Variants in CXXC5 observed in about 807,000 individuals in gnomAD.
CXXC5 encodes the protein CXXC finger protein 5, also known as CXXC-type zinc finger protein 5.
Under a neutral mutation model 17.6 loss-of-function variants are expected in CXXC5, and 2 were observed. The observed-to-expected ratio is 0.11, with a 90% CI of 0.05 to 0.36. The LOEUF is 0.36. Among genes scored for constraint, CXXC5 ranks in the 10% least tolerant of loss-of-function variants. CXXC5 has a pLI of 1.00. For synonymous variants in CXXC5, 171 were observed against 193.0 expected, an observed-to-expected ratio of 0.89 and a Z score of 0.94; for missense variants, 343 against 458.3, an observed-to-expected ratio of 0.75 and a Z score of 2.30.
chr5:139,682,852 G>C lies in CXXC5; in HGVS notation c.925-11G>C. ...AACTCTCTCCTTGTTTTTGTCTCCC[G>C]CCCCCGCCAGAAGGTGATGCTTCCG... On this transcript the variant is annotated splice_polypyrimidine_tract_variant and intron_variant, in intron 2 of 2. Transcript: ENST00000302517. The C allele has an allele frequency of 6.3e-7, 1 of 1,588,174 alleles. No homozygotes were observed. The highest frequency in any genetic ancestry group is 8.6e-7 in the Non-Finnish European group (1 of 1,166,906).
chr5:139,668,414 C>T lies in CXXC5; in HGVS notation c.-160-11950C>T, dbSNP rs1406434828. Among the ~76,000 whole-genome samples, 1 of 151,978 alleles carries T rather than the reference C, an allele frequency of 6.6e-6. No homozygotes were observed. Among genetic ancestry groups the T allele is most frequent in the African/African-American group, 2.4e-5 (1 of 41,414 alleles). On this transcript the variant is annotated intron_variant, in intron 1 of 2. Transcript: ENST00000302517. This position sits in a 1 kb window ranked among gnomAD's most constrained non-coding sequence, Gnocchi z 4.1. ...GCGGCTCTGGCGGCCGCGTCTGCCG[C>T]CCCGGCGCCCGCCCGGGTCCCAGGC...
intron 1 of CXXC5, among the ~76,000 whole-genome samples, chr5:139,678,643 C>T (rs965213224): frequency 1.3e-5 from 2 of 152,208 alleles, no homozygotes; most frequent in Non-Finnish European, 2.9e-5. Flanking sequence ...CCCTCCCCCC[C>T]GCTTGGGGCC....
At position 139,648,554 on chromosome 5, in the gene CXXC5, C is replaced by T. The variant is rs995035104; in HGVS notation, c.-452C>T. ...TGAGTCCGGGCGCCGCACGCTGAGC[C>T]CTCCGCCCGCGAGCCGCGCTCAGCT... On this transcript the variant is annotated 5_prime_UTR_variant, in exon 1 of 3. Coordinates refer to ENST00000302517, the MANE Select transcript of CXXC5 (RefSeq NM_016463.9). The T allele has an allele frequency of 1.3e-5, 2 of 151,870 alleles. No individual in the cohort carries two copies. Among genetic ancestry groups the T allele is most frequent in the Admixed American group, 6.6e-5 (1 of 15,250 alleles). The allele number at this position is 151,870 out of a possible 1,614,324, so 9.4% of individuals were successfully genotyped here.
At chr5:139,677,946 G>T (rs1008268320) in intron 1 of CXXC5, among the ~76,000 whole-genome samples, 2 of 152,238 alleles carry the variant, frequency 1.3e-5, no homozygotes, top group Non-Finnish European at 2.9e-5. Context: ...AGGAGGGAGG[G>T]GGTGAGCAGA....
intron 1 of CXXC5, among the ~76,000 whole-genome samples, chr5:139,669,110 T>C (rs908972075): frequency 6.6e-6 from 1 of 152,176 alleles, no homozygotes; most frequent in African/African-American, 2.4e-5. Flanking sequence ...AGGCACGTTG[T>C]TTGCTGAAAC....
At position 139,663,077 on chromosome 5, in the gene CXXC5, G is replaced by A. The variant is rs1755912129; in HGVS notation, c.-161+14232G>A. Among the ~76,000 whole-genome samples, 1 of 152,148 alleles carries A rather than the reference G, an allele frequency of 6.6e-6. No homozygotes were observed. Among genetic ancestry groups the A allele is most frequent in the African/African-American group, 2.4e-5 (1 of 41,440 alleles). On this transcript the variant is annotated intron_variant, in intron 1 of 2. Transcript: ENST00000302517. This position sits in a 1 kb window ranked among gnomAD's most constrained non-coding sequence, Gnocchi z 4.2. ...GCCTTCTCTAGGGCTGTTCTCAGAT[G>A]GGGATGCTGAGGTACCTGAGTGAAG...
In CXXC5 at chr5:139,657,902, C is replaced by T. The variant is rs73790673; in HGVS notation, c.-161+9057C>T. Among the ~76,000 whole-genome samples, 400 of 152,174 alleles carry T rather than the reference C, an allele frequency of 2.6e-3. 2 individuals are homozygous for T. The highest frequency in any genetic ancestry group is 9.4e-3 in the African/African-American group (389 of 41,490). On this transcript the variant is annotated intron_variant, in intron 1 of 2. Transcript: ENST00000302517. The stretch of plus-strand genomic sequence containing the variant: ...GCCCGCCCTCCCTCCCTCCTAGCCG[C>T]AGGATGGGGTGCAGGCATGCAAACC...
intron 1 of CXXC5, among the ~76,000 whole-genome samples, chr5:139,655,787 G>A (rs1755461829): frequency 6.6e-6 from 1 of 151,270 alleles, no homozygotes; most frequent in Non-Finnish European, 1.5e-5. Context: ...GGCCGTGAGA[G>A]CTGGTTTTAT....
chr5:139,647,605 G>A (rs1754941770), upstream of CXXC5, among the ~76,000 whole-genome samples: 1 of 152,176 alleles, frequency 6.6e-6, no homozygotes, highest in African/African-American at 2.4e-5. Flanking sequence ...TACCTATTGA[G>A]CGCTGCTGTT....
intron 1 of CXXC5, among the ~76,000 whole-genome samples, chr5:139,677,114 A>G (rs536591498): frequency 2.0e-5 from 3 of 151,926 alleles, no homozygotes; most frequent in Admixed American, 6.5e-5. Flanking sequence ...CTGGCTCCGC[A>G]TTGCTGATGA....
At chr5:139,660,353 C>T (rs1755727433) in intron 1 of CXXC5, among the ~76,000 whole-genome samples, 1 of 152,234 alleles carries the variant, frequency 6.6e-6, no homozygotes, top group Non-Finnish European at 1.5e-5. Context: ...CACCCCAAGC[C>T]TGGCACAACT....
Position 139,681,456 on chromosome 5 carries a change from G to C in CXXC5, c.924+9G>C, listed in dbSNP as rs1008191767. The C allele has an allele frequency of 3.9e-6, 6 of 1,548,508 alleles. No individual in the cohort carries two copies. The highest frequency in any genetic ancestry group is 3.5e-4 in the Middle Eastern group (2 of 5,726). ...CTTCCGCTGCTCTGGAGGTAACGGC[G>C]CCTTAGAGGGAGGTGTGTGGGCTCT... is the stretch of plus-strand genomic sequence containing the variant. On this transcript the variant is annotated intron_variant, in intron 2 of 2. Transcript: ENST00000302517.
At chr5:139,677,578 TC>T (rs1162731057) in intron 1 of CXXC5, among the ~76,000 whole-genome samples, 1 of 152,056 alleles carries the variant, frequency 6.6e-6, no homozygotes, top group Non-Finnish European at 1.5e-5. Flanking sequence ...TGTGAGCCAG[TC>T]CCTCCGTGTA....
chr5:139,674,314 C>T (rs765765172), intron 1 of CXXC5, among the ~76,000 whole-genome samples: 2 of 152,214 alleles, frequency 1.3e-5, no homozygotes, highest in Non-Finnish European at 2.9e-5. Context: ...AGCCTGTGGT[C>T]TGCTTTGCCC....
At chr5:139,664,484 CCAGGCGCTGCATGGCCCT>C (rs1755989224) in intron 1 of CXXC5, among the ~76,000 whole-genome samples, 3 of 152,156 alleles carry the variant, frequency 2.0e-5, no homozygotes, top group Admixed American at 6.5e-5. Flanking sequence ...TCACTTAGCA[CCAGGCGCTGCATGGCCCT>C]GGGTCAGGGC....
At chr5:139,676,213 C>G (rs1756784478) in intron 1 of CXXC5, among the ~76,000 whole-genome samples, 1 of 106,868 alleles carries the variant, frequency 9.4e-6, no homozygotes, top group Admixed American at 9.2e-5. Flanking sequence ...TCCTCCCCAC[C>G]TCCTCCACAG....
At chr5:139,679,480 G>C (rs2126821718) in intron 1 of CXXC5, among the ~76,000 whole-genome samples, 1 of 152,230 alleles carries the variant, frequency 6.6e-6, no homozygotes, top group South Asian at 2.1e-4. Context: ...TGGCAAACTG[G>C]GTTACACAAA....
chr5:139,651,872 G>A (rs893742248), intron 1 of CXXC5, among the ~76,000 whole-genome samples: 3 of 151,932 alleles, frequency 2.0e-5, no homozygotes, highest in Non-Finnish European at 4.4e-5. Context: ...AGAATGGGGG[G>A]GTTCACACAT....
intron 1 of CXXC5, among the ~76,000 whole-genome samples, chr5:139,678,991 G>A (rs1025476399): frequency 3.3e-5 from 5 of 152,226 alleles, no homozygotes; most frequent in African/African-American, 7.2e-5. Context: ...CAGCTCAGAC[G>A]CCTTAGCCTT....
Sources: gnomAD v4.1 joint callset for allele counts (sites outside exome capture counted in the v4.1 genomes callset) on GRCh38, gnomAD v4.1.1 for gene constraint, Gnocchi (gnomAD v3.1) non-coding constraint, MANE v1.5 for transcripts, NCBI Gene and HGNC (gene_info 2026-07-23, HGNC 2026-07-21) for gene names.